Variants in RP1 observed in about 807,000 individuals in gnomAD.
RP1 encodes the protein RP1 axonemal microtubule associated.
RP1 carries 16 observed loss-of-function variants against 14.8 expected under a neutral mutation model. The observed-to-expected ratio is 1.08, with a 90% CI of 0.73 to 1.65. RP1 has a LOEUF of 1.65. Ranked by LOEUF, RP1 falls within the 40% of genes most tolerant of loss-of-function variation. The pLI is 0.00. For synonymous variants in RP1, 876 were observed against 883.6 expected (o/e 0.99, Z 0.15); for missense variants, 2,631 against 2,535.0 (o/e 1.04, Z -0.81).
At chr8:54,733,677 T>A (rs1446957677) in intron 17 of RP1, among the ~76,000 whole-genome samples, 1 of 152,120 alleles carries the variant, frequency 6.6e-6, no homozygotes, top group East Asian at 1.9e-4. Context: ...ATGAAGAACT[T>A]TTGCCTCATC....
chr8:54,580,547 C>G (rs1804764861), intron 1 of RP1, among the ~76,000 whole-genome samples: 2 of 149,774 alleles, frequency 1.3e-5, no homozygotes, highest in Admixed American at 1.3e-4. Flanking sequence ...CCTCGTGATC[C>G]ACCCCTCTCA....
intron 3 of RP1, among the ~76,000 whole-genome samples, chr8:54,642,414 A>G (rs1469163656): frequency 2.6e-5 from 4 of 152,060 alleles, no homozygotes; most frequent in Non-Finnish European, 5.9e-5. Flanking sequence ...CCCATCTCCA[A>G]CTTCTAAACT....
chr8:54,761,484 G>T (rs147308979), intron 22 of RP1, among the ~76,000 whole-genome samples: 7 of 152,032 alleles, frequency 4.6e-5, no homozygotes, highest in South Asian at 2.1e-4. Flanking sequence ...CAATCCGCTC[G>T]CCTTAACCTC....
chr8:54,825,010 G>A (rs1428466602), intron 24 of RP1, among the ~76,000 whole-genome samples: 4 of 151,138 alleles, frequency 2.6e-5, no homozygotes, highest in African/African-American at 7.4e-5. Flanking sequence ...CTGTCGCCCA[G>A]GCTAGATAGA....
chr8:54,705,206 CA>C (rs1808120515), intron 14 of RP1, among the ~76,000 whole-genome samples: 1 of 151,926 alleles, frequency 6.6e-6, no homozygotes, highest in African/African-American at 2.4e-5. Flanking sequence ...CGGAAGAACT[CA>C]CAGAACCCAT....
At chr8:54,675,478 C>T (rs112468188) in intron 8 of RP1, among the ~76,000 whole-genome samples, 49 of 152,210 alleles carry the variant, frequency 3.2e-4, no homozygotes, top group African/African-American at 1.2e-3. Flanking sequence ...TTACTCTCCT[C>T]GGTTGTTTGT....
intron 19 of RP1, among the ~76,000 whole-genome samples, chr8:54,750,364 T>C (rs1809329989): frequency 6.6e-6 from 1 of 152,190 alleles, no homozygotes; most frequent in South Asian, 2.1e-4. Context: ...GCAATTCCCA[T>C]ATTACATAGC....
intron 19 of RP1, among the ~76,000 whole-genome samples, chr8:54,749,657 A>T (rs1809311193): frequency 6.6e-6 from 1 of 152,144 alleles, no homozygotes; most frequent in African/African-American, 2.4e-5. Context: ...TAGTTTAGAG[A>T]GGAATGGCCT....
intron 24 of RP1, among the ~76,000 whole-genome samples, chr8:54,833,867 A>G (rs1444804388): frequency 6.6e-6 from 1 of 152,072 alleles, no homozygotes; most frequent in African/African-American, 2.4e-5. Flanking sequence ...ACATCATCAA[A>G]ACTTTGCAAA....
In RP1 at chr8:54,715,926, C is replaced by A. The variant is rs1808394264; in HGVS notation, c.2212-4203C>A. Among the ~76,000 whole-genome samples the A allele has an allele frequency of 5.9e-5, 9 of 152,238 alleles. No homozygotes were observed. The South Asian group carries it at 1.9e-3, about 32-fold the overall frequency. On this transcript the variant is annotated intron_variant, in intron 15 of 22. Coordinates refer to the RP1 transcript ENST00000636932. ...CAAATACGCCATAGTGTGCAAAGTTCAATACCAGAAGTAAGTACCAAGTTC... is the reference window on the plus strand; with the variant it reads ...CAAATACGCCATAGTGTGCAAAGTTAAATACCAGAAGTAAGTACCAAGTTC...
intron 28 of RP1, among the ~76,000 whole-genome samples, chr8:54,866,761 G>A (rs1812467788): frequency 6.6e-6 from 1 of 152,114 alleles, no homozygotes; most frequent in Admixed American, 6.6e-5. Flanking sequence ...TCCCCACATG[G>A]GAACATGGGA....
At chr8:54,718,312 G>T (rs1241994837) in intron 15 of RP1, among the ~76,000 whole-genome samples, 1 of 152,132 alleles carries the variant, frequency 6.6e-6, no homozygotes, top group Non-Finnish European at 1.5e-5. Flanking sequence ...CTACATTTAA[G>T]ATTTGCTATA....
At position 54,627,386 on chromosome 8, in the gene RP1, G is replaced by A. The variant is rs191997072; in HGVS notation, c.3504G>A (p.Lys1168=). The A allele has an allele frequency of 6.2e-5, 100 of 1,614,142 alleles. No homozygotes were observed. Among genetic ancestry groups the A allele is most frequent in the Admixed American group, 2.0e-4 (12 of 60,026 alleles). Residue 1168 remains lysine, a synonymous_variant, in exon 4 of 4, where the codon AAG becomes AAA. Transcript: ENST00000220676. ...SETLALLEIL[K]HIAITEEADD... ...CACTTGCATTGTTGGAGATTCTAAA[G>A]CACATAGCTATCACAGAGGAAGCTG...
chr8:54,846,952 G>C (rs16920833), intron 25 of RP1, among the ~76,000 whole-genome samples: 1,552 of 152,284 alleles, frequency 0.01, 66 homozygotes, highest in Admixed American at 0.077. Flanking sequence ...CTGTCACACT[G>C]ATCTCAGCCA....
chr8:54,859,038 G>A (rs1239493449), intron 27 of RP1, among the ~76,000 whole-genome samples: 1 of 151,948 alleles, frequency 6.6e-6, no homozygotes, highest in Non-Finnish European at 1.5e-5. Context: ...TCATTGTAAA[G>A]CAGTGTCACC....
At chr8:54,709,430 TGCTGA>T (rs531756987) in intron 15 of RP1, among the ~76,000 whole-genome samples, 86 of 152,272 alleles carry the variant, frequency 5.6e-4, no homozygotes, top group African/African-American at 2.0e-3. Flanking sequence ...AAGGCAATCA[TGCTGA>T]GCTGAGCTGA....
chr8:54,620,473 A>G (rs1805828010), intron 1 of RP1, among the ~76,000 whole-genome samples: 1 of 152,214 alleles, frequency 6.6e-6, no homozygotes, highest in African/African-American at 2.4e-5. Flanking sequence ...TCTGATGTTC[A>G]CACAATGATG....
At chr8:54,559,339 C>A (rs778811181) in intron 1 of RP1, 1 of 152,116 alleles carries the variant, frequency 6.6e-6, no homozygotes, top group Non-Finnish European at 1.5e-5. Flanking sequence ...TATGTGTTTT[C>A]TTTTCTCCTT....
intron 3 of RP1, among the ~76,000 whole-genome samples, chr8:54,644,970 T>G (rs2129323878): frequency 6.6e-6 from 1 of 152,316 alleles, no homozygotes; most frequent in East Asian, 1.9e-4. Flanking sequence ...CTTTTCTAAG[T>G]TGTATTGGGT....
Sources: allele counts gnomAD v4.1 joint callset (sites outside exome capture counted in the v4.1 genomes callset), GRCh38; gene constraint gnomAD v4.1.1; transcripts MANE v1.5; gene names NCBI Gene and HGNC (gene_info 2026-07-23, HGNC 2026-07-21).